CALHM5: variants seen among roughly 807,000 people sequenced by gnomAD.
CALHM5 encodes calcium homeostasis modulator family member 5, also known as calcium homeostasis modulator protein 5.
CALHM5 carries 17 observed loss-of-function variants against 20.9 expected under a neutral mutation model. The observed-to-expected ratio is 0.82, with a 90% CI of 0.56 to 1.22. CALHM5 has a LOEUF of 1.22. Ranked by LOEUF, CALHM5 falls within the 50% of genes most tolerant of loss-of-function variation. CALHM5 has a pLI of 0.00. For missense variants in CALHM5, 360 were observed against 364.6 expected (o/e 0.99, Z 0.10); for synonymous variants, 148 against 140.0 (o/e 1.06, Z -0.40).
At chr6:116,514,221 G>A (rs1353643449) in intron 1 of CALHM5, among the ~76,000 whole-genome samples, 1 of 152,160 alleles carries the variant, frequency 6.6e-6, no homozygotes, top group Non-Finnish European at 1.5e-5. Flanking sequence ...GGGACCTGAA[G>A]CTGATGGAAT....
intron 1 of CALHM5, among the ~76,000 whole-genome samples, chr6:116,513,805 C>G (rs1237893526): frequency 6.6e-6 from 1 of 152,202 alleles, no homozygotes; most frequent in Admixed American, 6.5e-5. Context: ...GGATGACTCT[C>G]TATTCTTAAG....
chr6:116,513,917 G>C (rs1379578069), intron 1 of CALHM5, among the ~76,000 whole-genome samples: 1 of 152,168 alleles, frequency 6.6e-6, no homozygotes, highest in East Asian at 1.9e-4. Flanking sequence ...CCTAGAACTA[G>C]TGGTTCGACC....
At chr6:116,515,501 G>A (rs1393988030) in intron 1 of CALHM5, 99 bp from the exon 2 acceptor site, 1 of 1,253,498 alleles carries the variant, frequency 8.0e-7, no homozygotes, top group Non-Finnish European at 1.1e-6. Context: ...GTATGTCAAA[G>A]ACTGTGGTAA....
In CALHM5 at chr6:116,521,130, T is replaced by C. The variant is rs2115173729; in HGVS notation, c.*5141T>C. ...TGCGTGTATATATATATATGCTACATATATGAAAGGGGATTTCTTGTGGGA... is the reference window on the plus strand; with the variant it reads ...TGCGTGTATATATATATATGCTACACATATGAAAGGGGATTTCTTGTGGGA... On this transcript the variant is annotated 3_prime_UTR_variant, in exon 2 of 2. Transcript: ENST00000368599. 1 of 152,100 alleles carries C rather than the reference T, an allele frequency of 6.6e-6. No homozygotes were observed. The highest frequency in any genetic ancestry group is 6.6e-5 in the Admixed American group (1 of 15,248). The allele number at this position is 152,100 out of a possible 1,614,324, so 9.4% of individuals were successfully genotyped here.
Position 116,516,586 on chromosome 6 carries a change from G to A in CALHM5, c.*597G>A, listed in dbSNP as rs1403288244. The A allele has an allele frequency of 1.3e-5, 2 of 149,532 alleles. No homozygotes were observed. Among genetic ancestry groups the A allele is most frequent in the Non-Finnish European group, 3.0e-5 (2 of 67,544 alleles). The allele number at this position is 149,532 out of a possible 1,614,324, so 9.3% of individuals were successfully genotyped here. A position where few individuals can be genotyped will look rare whatever the true frequency, so the allele number is the denominator to read the frequency against. On this transcript the variant is annotated 3_prime_UTR_variant, in exon 2 of 2. Coordinates refer to ENST00000368599, the MANE Select transcript of CALHM5 (RefSeq NM_153711.5). ...AAAATACTCCCCTGGAAGCAGGGCT[G>A]CATCATAATTTTTGTGGGCTTTATG...
At position 116,515,861 on chromosome 6, in the gene CALHM5, C is replaced by T; in HGVS notation, c.802C>T (p.Leu268=). The change falls in exon 2 of 2, where the codon CTG becomes TTG. Residue 268 remains leucine, a synonymous_variant. Coordinates refer to ENST00000368599, the MANE Select transcript of CALHM5 (RefSeq NM_153711.5). The stretch of plus-strand genomic sequence containing the variant: ...TGCTGCCTGGGAGGCTGCTTCAGAG[C>T]TGCATTCTTTCCACCAAAGCCAGCA... ...TFAAWEAASE[L]HSFHQSQQHY... 2 of 1,613,960 alleles carry T rather than the reference C, an allele frequency of 1.2e-6. No homozygotes were observed. The highest frequency in any genetic ancestry group is 1.7e-6 in the Non-Finnish European group (2 of 1,179,922).
rs1279515129 is a variant in CALHM5 at position 116,516,148 on chromosome 6, G to A, written c.*159G>A. 6 of 904,482 alleles carry A rather than the reference G, an allele frequency of 6.6e-6. No homozygotes were observed. Among genetic ancestry groups the A allele is most frequent in the Non-Finnish European group, 6.2e-6 (4 of 641,890 alleles). The allele number at this position is 904,482 out of a possible 1,614,324, so 56.0% of individuals were successfully genotyped here. ...GAAACTGCTTTGAAGCTCTCAAGTG[G>A]AACATCAGGATGTGCTCAAATTGAT... On this transcript the variant is annotated 3_prime_UTR_variant, in exon 2 of 2. Transcript: ENST00000368599.
chr6:116,518,074 A>G lies in CALHM5; in HGVS notation c.*2085A>G, dbSNP rs1226716323. The G allele has an allele frequency of 6.6e-6, 1 of 152,174 alleles. No homozygotes were observed. The highest frequency in any genetic ancestry group is 1.5e-5 in the Non-Finnish European group (1 of 68,030). 9.4% of individuals were successfully genotyped at this position (152,174 alleles called of 1,614,324 possible). A position where few individuals can be genotyped will look rare whatever the true frequency, so the allele number is the denominator to read the frequency against. On this transcript the variant is annotated 3_prime_UTR_variant, in exon 2 of 2. Transcript: ENST00000368599. Reference sequence around the variant, plus strand: ...TATTATTTTATAATAGACTGATGATAGTAAATAAAGCCCTTTCCTGAGTTC... The same window carrying G: ...TATTATTTTATAATAGACTGATGATGGTAAATAAAGCCCTTTCCTGAGTTC...
At position 116,515,803 on chromosome 6, in the gene CALHM5, C is replaced by G; in HGVS notation, c.744C>G (p.Asn248Lys). ...GGAACCTGAAATGTTTTTTTGAAAA[C>G]AAGAGGCCAGATCCTTTTCCCATGC... ...SERNLKCFFENKRPDPFPMPT... is the reference protein window; with the variant it reads ...SERNLKCFFEKKRPDPFPMPT... Residue 248 changes from asparagine to lysine, a missense_variant, in exon 2 of 2, where the codon AAC (asparagine) becomes AAG (lysine). Coordinates refer to ENST00000368599, the MANE Select transcript of CALHM5 (RefSeq NM_153711.5). The G allele has an allele frequency of 3.1e-6, 5 of 1,613,872 alleles. No homozygotes were observed. Among genetic ancestry groups the G allele is most frequent in the Non-Finnish European group, 4.2e-6 (5 of 1,179,906 alleles).
chr6:116,512,931 C>T (rs1772152411), intron 1 of CALHM5, among the ~76,000 whole-genome samples: 1 of 152,184 alleles, frequency 6.6e-6, no homozygotes, highest in African/African-American at 2.4e-5. Flanking sequence ...AAGATTTGGG[C>T]ATTGTTTTAT....
chr6:116,515,611 G>A lies in CALHM5; in HGVS notation c.552G>A (p.Trp184Ter). 2 of 1,609,844 alleles carry A rather than the reference G, an allele frequency of 1.2e-6. No individual in the cohort carries two copies. The highest frequency in any genetic ancestry group is 1.7e-6 in the Non-Finnish European group (2 of 1,178,084). Residue 184 changes from tryptophan (W) to a stop codon, truncating the protein, a stop_gained, in exon 2 of 2, where the codon TGG (tryptophan) becomes TGA (stop). Coordinates refer to ENST00000368599, the MANE Select transcript of CALHM5 (RefSeq NM_153711.5). LOFTEE classifies it high-confidence loss of function. ...TCTTTCTTCTTAAGATTCTAGGATG[G>A]TGCCTGATTTGTTCAGCGTCTTTCT... ...SLQAQSQILG[W>*]CLICSASFFS...
rs367798122 is a variant in CALHM5 at position 116,520,675 on chromosome 6, G to A, written c.*4686G>A. ...GATTTCTTTTAAAAGCTTTCTAAGT[G>A]ATTATAATGTGCAGTCATGGTGAAG... On this transcript the variant is annotated 3_prime_UTR_variant, in exon 2 of 2. Transcript: ENST00000368599. 1 of 152,380 alleles carries A rather than the reference G, an allele frequency of 6.6e-6. No homozygotes were observed. The highest frequency in any genetic ancestry group is 6.6e-5 in the Admixed American group (1 of 15,264). The allele number at this position is 152,380 out of a possible 1,614,324, so 9.4% of individuals were successfully genotyped here. A position where few individuals can be genotyped will look rare whatever the true frequency, so the allele number is the denominator to read the frequency against.
In CALHM5 at chr6:116,516,196, C is replaced by T. The variant is rs775363505; in HGVS notation, c.*207C>T. On this transcript the variant is annotated 3_prime_UTR_variant, in exon 2 of 2. Coordinates refer to ENST00000368599, the MANE Select transcript of CALHM5 (RefSeq NM_153711.5). Reference sequence around the variant, plus strand: ...GATGCTGAGGGGTGACAAAGGTGCTCTTGCATTGGTGGAGAGGGGCTCAGT... The same window carrying T: ...GATGCTGAGGGGTGACAAAGGTGCTTTTGCATTGGTGGAGAGGGGCTCAGT... 3.6e-6 allele frequency: 2 copies of T among 555,550 alleles called. No individual in the cohort carries two copies. The highest frequency in any genetic ancestry group is 2.8e-6 in the Non-Finnish European group (1 of 350,904). 34.4% of individuals were successfully genotyped at this position (555,550 alleles called of 1,614,324 possible).
rs964895652 is a variant in CALHM5 at position 116,512,415 on chromosome 6, A to G, written c.540+179A>G. The stretch of plus-strand genomic sequence containing the variant: ...AGCTTTTGAAAGGCTGGGTGGCTCA[A>G]TAAAGTTGCTGACTGGATTATCTCT... On this transcript the variant is annotated intron_variant, in intron 1 of 1. Coordinates refer to ENST00000368599, the MANE Select transcript of CALHM5 (RefSeq NM_153711.5). 4.6e-6 allele frequency: 3 copies of G among 653,892 alleles called. No homozygotes were observed. The African/African-American group carries it at 5.4e-5, about 12-fold the overall frequency. The allele number at this position is 653,892 out of a possible 1,614,324, so 40.5% of individuals were successfully genotyped here.
chr6:116,524,670 A>G lies in CALHM5; in HGVS notation c.*8681A>G, dbSNP rs1166927979. 1 of 152,180 alleles carries G rather than the reference A, an allele frequency of 6.6e-6. No individual in the cohort carries two copies. The highest frequency in any genetic ancestry group is 1.9e-4 in the East Asian group (1 of 5,200). 9.4% of individuals were successfully genotyped at this position (152,180 alleles called of 1,614,324 possible). On this transcript the variant is annotated 3_prime_UTR_variant, in exon 2 of 2. Coordinates refer to ENST00000368599, the MANE Select transcript of CALHM5 (RefSeq NM_153711.5). ...GGTTTCTTTATCTTTCATGTCCAAA[A>G]ATGTTAAATAGGCCTTCAGGTAGGT...
Position 116,522,098 on chromosome 6 carries a change from T to C in CALHM5, c.*6109T>C, listed in dbSNP as rs1164045412. On this transcript the variant is annotated 3_prime_UTR_variant, in exon 2 of 2. Transcript: ENST00000368599. Reference sequence around the variant, plus strand: ...TATTCTAGCTTAGGGGTCAGGCATGTGAATGAAGGAGCCATTTTAAACATT... The same window carrying C: ...TATTCTAGCTTAGGGGTCAGGCATGCGAATGAAGGAGCCATTTTAAACATT... 1 of 152,178 alleles carries C rather than the reference T, an allele frequency of 6.6e-6. No individual in the cohort carries two copies. 9.4% of individuals were successfully genotyped at this position (152,178 alleles called of 1,614,324 possible). A position where few individuals can be genotyped will look rare whatever the true frequency, so the allele number is the denominator to read the frequency against.
At position 116,512,078 on chromosome 6, in the gene CALHM5, G is replaced by A. The variant is rs368763520; in HGVS notation, c.382G>A (p.Ala128Thr). The change falls in exon 1 of 2, where the codon GCC (alanine) becomes ACC (threonine). Residue 128 changes from alanine (A) to threonine (T), a missense_variant. By Grantham distance (58) the Ala-to-Thr change is moderately conservative. Coordinates refer to ENST00000368599, the MANE Select transcript of CALHM5 (RefSeq NM_153711.5). ...GCTCAATGGAACTTTCTATGAATGT[G>A]CCATGAGCGGGACGAGAAGTTCAGG... is the stretch of plus-strand genomic sequence containing the variant. Reference protein sequence around the residue: ...ALLNGTFYECAMSGTRSSGLL... With the variant: ...ALLNGTFYECTMSGTRSSGLL... The A allele has an allele frequency of 1.9e-6, 3 of 1,614,038 alleles. No individual in the cohort carries two copies. Among genetic ancestry groups the A allele is most frequent in the Non-Finnish European group, 2.5e-6 (3 of 1,179,996 alleles).
At position 116,515,614 on chromosome 6, in the gene CALHM5, C is replaced by T; in HGVS notation, c.555C>T (p.Cys185=). ...TTCTTCTTAAGATTCTAGGATGGTG[C>T]CTGATTTGTTCAGCGTCTTTCTTCT... is the stretch of plus-strand genomic sequence containing the variant. ...LQAQSQILGW[C]LICSASFFSL... Residue 185 remains cysteine (C), a synonymous_variant, in exon 2 of 2, where the codon TGC becomes TGT. Coordinates refer to ENST00000368599, the MANE Select transcript of CALHM5 (RefSeq NM_153711.5). The T allele has an allele frequency of 1.2e-6, 2 of 1,610,368 alleles. No individual in the cohort carries two copies. The highest frequency in any genetic ancestry group is 1.7e-6 in the Non-Finnish European group (2 of 1,178,254).
Position 116,511,777 on chromosome 6 carries a change from C to G in CALHM5, c.81C>G (p.Thr27=), listed in dbSNP as rs752156264. 6.2e-7 allele frequency: 1 copy of G among 1,613,994 alleles called. No individual in the cohort carries two copies. ...VIGYSFMALL[T]VGSERLFSVV... is the part of the protein sequence containing the mutation. The stretch of plus-strand genomic sequence containing the variant: ...GCTACAGCTTCATGGCTCTGCTGAC[C>G]GTGGGAAGTGAGCGTCTCTTTTCTG... Residue 27 remains threonine (T), a synonymous_variant, in exon 1 of 2, where the codon ACC becomes ACG. Coordinates refer to ENST00000368599, the MANE Select transcript of CALHM5 (RefSeq NM_153711.5).
Sources: allele counts gnomAD v4.1 joint callset (sites outside exome capture counted in the v4.1 genomes callset), GRCh38; gene constraint gnomAD v4.1.1; transcripts MANE v1.5; gene names NCBI Gene and HGNC (gene_info 2026-07-23, HGNC 2026-07-21).